EXOC4: variants seen among roughly 807,000 people sequenced by gnomAD.
EXOC4 encodes the protein exocyst complex component 4, also known as SEC8-like 1.
Under a neutral mutation model 107.2 loss-of-function variants are expected in EXOC4, and 71 were observed. The observed-to-expected ratio is 0.66, with a 90% CI of 0.55 to 0.81. EXOC4 has a LOEUF of 0.81. Ranked by LOEUF, EXOC4 falls within the 30% of genes least tolerant of loss-of-function variation. The pLI is 0.00. For missense variants in EXOC4, 1,108 were observed against 1,189.6 expected (o/e 0.93, Z 1.01); for synonymous variants, 456 against 441.2 (o/e 1.03, Z -0.42).
chr7:133,932,057 G>T (rs1800188400), intron 13 of EXOC4, among the ~76,000 whole-genome samples: 1 of 152,172 alleles, frequency 6.6e-6, no homozygotes, highest in Non-Finnish European at 1.5e-5. Context: ...ATGCATTTAT[G>T]CGTTCCTGGA....
intron 9 of EXOC4, among the ~76,000 whole-genome samples, chr7:133,528,473 A>G (rs193227100): frequency 6.6e-6 from 1 of 152,156 alleles, no homozygotes; most frequent in East Asian, 1.9e-4. Flanking sequence ...AGCTATATAT[A>G]TTTTTTCTGG....
intron 10 of EXOC4, among the ~76,000 whole-genome samples, chr7:133,755,150 T>C (rs1795870979): frequency 6.8e-6 from 1 of 147,204 alleles, no homozygotes; most frequent in African/African-American, 2.5e-5. Flanking sequence ...CTGCAAGACT[T>C]ACTTGAAGTT....
the EXOC4 span, among the ~76,000 whole-genome samples, chr7:134,073,454 T>C: frequency 6.6e-6 from 1 of 151,780 alleles, no homozygotes; most frequent in Non-Finnish European, 1.5e-5. Flanking sequence ...GTTTTGCATC[T>C]CGTTGCCTGC....
intron 10 of EXOC4, among the ~76,000 whole-genome samples, chr7:133,678,945 C>T (rs188322871): frequency 7.6e-4 from 116 of 152,200 alleles, no homozygotes; most frequent in African/African-American, 2.6e-3. Context: ...TATGGCTCCT[C>T]GTCCTGCCTG....
intron 5 of EXOC4, among the ~76,000 whole-genome samples, chr7:133,354,748 G>A (rs1437845994): frequency 2.6e-5 from 4 of 152,168 alleles, no homozygotes; most frequent in Non-Finnish European, 5.9e-5. Context: ...TGTGTGCAAG[G>A]TACTCCAGGA....
chr7:134,030,954 T>C (rs1458590085), intron 17 of EXOC4, among the ~76,000 whole-genome samples: 1 of 152,078 alleles, frequency 6.6e-6, no homozygotes, highest in Non-Finnish European at 1.5e-5. Flanking sequence ...ACTGATCTCC[T>C]ACAACATACA....
At chr7:133,287,013 A>G (rs1374621414) in intron 2 of EXOC4, among the ~76,000 whole-genome samples, 6 of 152,150 alleles carry the variant, frequency 3.9e-5, no homozygotes, top group African/African-American at 9.7e-5. Flanking sequence ...TGCCATTAGT[A>G]TACTTGGTGC....
intron 17 of EXOC4, among the ~76,000 whole-genome samples, chr7:134,038,146 G>A (rs1050504331): frequency 6.6e-6 from 1 of 152,194 alleles, no homozygotes; most frequent in African/African-American, 2.4e-5. Context: ...TCGCAGTATC[G>A]ATTGTATAAG....
chr7:133,371,892 A>G (rs1796385224), intron 6 of EXOC4, among the ~76,000 whole-genome samples: 1 of 152,180 alleles, frequency 6.6e-6, no homozygotes, highest in African/African-American at 2.4e-5. Context: ...CCTTACTGAT[A>G]CTTTTTATTG....
intron 9 of EXOC4, among the ~76,000 whole-genome samples, chr7:133,558,216 CTT>C (rs1259413504): frequency 7.3e-6 from 1 of 137,416 alleles, no homozygotes; most frequent in East Asian, 2.0e-4. Context: ...CTTTTCTTTT[CTT>C]TTCTTTTCTT....
intron 7 of EXOC4, among the ~76,000 whole-genome samples, chr7:133,392,169 T>C (rs1352576181): frequency 1.3e-5 from 2 of 152,330 alleles, no homozygotes; most frequent in African/African-American, 4.8e-5. Flanking sequence ...TGTGTATCAG[T>C]AGGGAAATAG....
chr7:133,451,467 TATTA>T (rs1798345686), intron 7 of EXOC4, among the ~76,000 whole-genome samples: 1 of 150,576 alleles, frequency 6.6e-6, no homozygotes, highest in Non-Finnish European at 1.5e-5. Flanking sequence ...CATAAACGTT[TATTA>T]ATTCAGATAA....
At chr7:133,560,894 C>T (rs1359420771) in intron 9 of EXOC4, among the ~76,000 whole-genome samples, 1 of 151,898 alleles carries the variant, frequency 6.6e-6, no homozygotes, top group Non-Finnish European at 1.5e-5. Context: ...GGAATGCATT[C>T]CCATTTAAGT....
intron 11 of EXOC4, among the ~76,000 whole-genome samples, chr7:133,828,399 A>C (rs985223025): frequency 1.3e-5 from 2 of 152,174 alleles, no homozygotes; most frequent in Non-Finnish European, 2.9e-5. Flanking sequence ...CGAGATTACT[A>C]GTAGGAGCCA....
chr7:133,814,026 T>A (rs144390789), intron 10 of EXOC4, among the ~76,000 whole-genome samples: 4 of 152,324 alleles, frequency 2.6e-5, no homozygotes, highest in African/African-American at 7.2e-5. Context: ...TAGGCAATTT[T>A]AAAATTTTCT....
intron 9 of EXOC4, chr7:133,576,880 GT>G: frequency 7.8e-7 from 1 of 1,288,890 alleles, no homozygotes; most frequent in Non-Finnish European, 1.0e-6. Context: ...CGGGTAATGT[GT>G]TTTAAGATTA....
At chr7:133,923,662 A>G (rs1436143988) in intron 13 of EXOC4, among the ~76,000 whole-genome samples, 1 of 152,206 alleles carries the variant, frequency 6.6e-6, no homozygotes, top group African/African-American at 2.4e-5. Context: ...AACATCTTTG[A>G]GATAGACAGA....
At chr7:133,662,756 ACAG>A (rs1793723187) in intron 10 of EXOC4, among the ~76,000 whole-genome samples, 2 of 152,160 alleles carry the variant, frequency 1.3e-5, no homozygotes, top group African/African-American at 4.8e-5. Flanking sequence ...TTTACTGAGA[ACAG>A]CAGAAGTAGC....
chr7:133,676,473 C>T (rs1794060211), intron 10 of EXOC4, among the ~76,000 whole-genome samples: 2 of 152,074 alleles, frequency 1.3e-5, no homozygotes, highest in South Asian at 4.2e-4. Flanking sequence ...TGAATAGCAC[C>T]AGTTCTTCTT....
Sources: gnomAD v4.1 joint callset for allele counts (sites outside exome capture counted in the v4.1 genomes callset) on GRCh38, gnomAD v4.1.1 for gene constraint, MANE v1.5 for transcripts, NCBI Gene and HGNC (gene_info 2026-07-23, HGNC 2026-07-21) for gene names.